ZNF420: variants seen among roughly 807,000 people sequenced by gnomAD.
ZNF420 encodes the protein ATM and p53-associated KZNF protein.
In ZNF420, 31 loss-of-function variants were observed where a neutral mutation model predicts 44.7. The ratio of observed to expected loss-of-function variants is 0.69; its 90% CI spans 0.52 to 0.94. ZNF420 has a LOEUF of 0.94. Ranked by LOEUF, ZNF420 falls within the 40% of genes least tolerant of loss-of-function variation. The pLI is 0.00. For missense variants in ZNF420, 681 were observed against 827.9 expected (o/e 0.82, Z 2.18); for synonymous variants, 245 against 267.4 (o/e 0.92, Z 0.82).
At chr19:37,079,442 A>G (rs1164896467) in intron 1 of ZNF420, among the ~76,000 whole-genome samples, 1 of 152,082 alleles carries the variant, frequency 6.6e-6, no homozygotes, top group Non-Finnish European at 1.5e-5. Flanking sequence ...CTGAGGACTT[A>G]AGGACTTTTT....
chr19:37,032,507 G>GAA (rs35765701), intron 1 of ZNF420, among the ~76,000 whole-genome samples: 54,045 of 123,596 alleles, frequency 0.44, 11,378 homozygotes, highest in Non-Finnish European at 0.5. Flanking sequence ...CGGTCTTTAA[G>GAA]AAAAAAAAAA....
chr19:37,115,858 C>CTGTGGCCTTCCACAGTGTAT (rs1970651493), intron 4 of ZNF420, among the ~76,000 whole-genome samples: 1 of 152,084 alleles, frequency 6.6e-6, no homozygotes, highest in Non-Finnish European at 1.5e-5. Context: ...GCAGAGGTTC[C>CTGTGGCCTTCCACAGTGTAT]TGTGGCCTTC....
At chr19:37,042,851 T>A (rs1967480335) in intron 1 of ZNF420, among the ~76,000 whole-genome samples, 1 of 152,188 alleles carries the variant, frequency 6.6e-6, no homozygotes, top group African/African-American at 2.4e-5. Flanking sequence ...TGGTGTTGAG[T>A]GAAAGTGAAA....
At chr19:37,011,982 C>T (rs994165995) in intron 1 of ZNF420, among the ~76,000 whole-genome samples, 31 of 152,306 alleles carry the variant, frequency 2.0e-4, no homozygotes, top group Middle Eastern at 3.4e-3. Flanking sequence ...GCCGACACCA[C>T]GCCTTGAGGC....
chr19:37,118,752 T>A, intron 4 of ZNF420, among the ~76,000 whole-genome samples: 1 of 150,576 alleles, frequency 6.6e-6, no homozygotes, highest in East Asian at 1.9e-4. Context: ...ACACATAGGC[T>A]CAAAATAAAG....
intron 4 of ZNF420, among the ~76,000 whole-genome samples, chr19:37,104,292 A>G (rs1157096201): frequency 2.6e-5 from 4 of 152,138 alleles, no homozygotes; most frequent in African/African-American, 9.7e-5. Context: ...GGCGTCATCC[A>G]TGTCCCTACG....
At chr19:37,090,868 C>T (rs562395420) in intron 3 of ZNF420, 127 bp from the exon 4 acceptor site, 12 of 919,128 alleles carry the variant, frequency 1.3e-5, no homozygotes, top group Middle Eastern at 3.9e-4. Flanking sequence ...TGCAGCGTGC[C>T]GAGATCGCGC....
chr19:37,110,528 A>T (rs1970332729), intron 4 of ZNF420, among the ~76,000 whole-genome samples: 1 of 152,350 alleles, frequency 6.6e-6, no homozygotes, highest in Middle Eastern at 3.4e-3. Flanking sequence ...GAGTAATATA[A>T]AATGGGAAAT....
chr19:37,057,189 A>T (rs1412117066), intron 1 of ZNF420, among the ~76,000 whole-genome samples: 1 of 152,208 alleles, frequency 6.6e-6, no homozygotes. Flanking sequence ...GTCTCCAAGG[A>T]CTGACCAGGG....
intron 2 of ZNF420, among the ~76,000 whole-genome samples, chr19:37,087,301 ATAAATAAATAAATAAAT>A (rs1568446970): frequency 4.8e-5 from 6 of 124,518 alleles, no homozygotes; most frequent in African/African-American, 1.9e-4. Flanking sequence ...AAATAAATAA[ATAAATAAATAAATAAAT>A]AAATAAATAA....
chr19:37,030,097 C>T (rs1256880570), intron 1 of ZNF420, among the ~76,000 whole-genome samples: 2 of 152,156 alleles, frequency 1.3e-5, no homozygotes, highest in Non-Finnish European at 1.5e-5. Flanking sequence ...CTCTGACCCA[C>T]GTGTCCTCAT....
intron 2 of ZNF420, among the ~76,000 whole-genome samples, chr19:37,085,940 TTATTATTATTA>T (rs1968742446): frequency 9.5e-5 from 2 of 21,060 alleles, no homozygotes; most frequent in Admixed American, 4.0e-4. Flanking sequence ...TGATGTTTTA[TTATTATTATTA>T]TTATTATTAT....
intron 4 of ZNF420, among the ~76,000 whole-genome samples, chr19:37,117,134 C>G (rs1970737822): frequency 6.6e-6 from 1 of 152,074 alleles, no homozygotes; most frequent in Admixed American, 6.5e-5. Flanking sequence ...AGCTGGAGAT[C>G]TGAGAACGGA....
intron 4 of ZNF420, 26 bp from the exon 5 acceptor site, chr19:37,127,102 T>A (rs768106808): frequency 6.9e-7 from 1 of 1,444,222 alleles, no homozygotes; most frequent in African/African-American, 1.4e-5. Flanking sequence ...TATTTCTCAA[T>A]TTTTTTATTC....
At chr19:37,055,817 G>C (rs1967736237) in intron 1 of ZNF420, among the ~76,000 whole-genome samples, 1 of 152,288 alleles carries the variant, frequency 6.6e-6, no homozygotes, top group Admixed American at 6.5e-5. Context: ...AGAAACAGCA[G>C]GCGGAGTCTG....
At chr19:37,061,339 G>A (rs1967877129) in intron 1 of ZNF420, among the ~76,000 whole-genome samples, 1 of 152,104 alleles carries the variant, frequency 6.6e-6, no homozygotes, top group South Asian at 2.1e-4. Context: ...AGAGTAACTG[G>A]GTAAAGATAT....
chr19:37,100,510 T>C (rs1168758811), intron 4 of ZNF420, among the ~76,000 whole-genome samples: 1 of 152,018 alleles, frequency 6.6e-6, no homozygotes. Context: ...GCCAGGAGTT[T>C]GAGACCAGCC....
rs1232253606 is a variant in ZNF420, at chr19:37,099,386, G to T, written c.136+8265G>T. On this transcript the variant is annotated intron_variant, in intron 4 of 4. Coordinates refer to ENST00000337995, the MANE Select transcript of ZNF420 (RefSeq NM_144689.5). ...TTAATAGCCATTCTAACAGCAGTGA[G>T]GTGATATCTGATTGTAGCTTCGATT... 2.0e-5 allele frequency among the ~76,000 whole-genome samples: 3 copies of T among 152,034 alleles called. No individual in the cohort carries two copies. In the East Asian group the frequency reaches 5.8e-4, roughly 29 times the overall value.
intron 1 of ZNF420, among the ~76,000 whole-genome samples, chr19:37,043,598 C>A (rs1312942353): frequency 6.6e-6 from 1 of 152,142 alleles, no homozygotes; most frequent in African/African-American, 2.4e-5. Context: ...CCTCAGCCTT[C>A]CAAGTAGCTG....
Sources: gnomAD v4.1 joint callset for allele counts (sites outside exome capture counted in the v4.1 genomes callset) on GRCh38, gnomAD v4.1.1 for gene constraint, MANE v1.5 for transcripts, NCBI Gene and HGNC (gene_info 2026-07-23, HGNC 2026-07-21) for gene names.